Variants in NCALD observed in about 807,000 individuals in gnomAD.
NCALD encodes the protein neurocalcin-delta.
A neutral mutation model predicts 18.6 loss-of-function variants in NCALD; 10 were observed. That is an observed-to-expected ratio of 0.54 (90% CI 0.33 to 0.91). The LOEUF is 0.91. NCALD is among the 40% of genes least tolerant of loss of function. NCALD has a pLI of 0.03. For synonymous variants in NCALD, 88 were observed against 87.4 expected, an observed-to-expected ratio of 1.01 and a Z score of -0.04; for missense variants, 184 against 247.6, an observed-to-expected ratio of 0.74 and a Z score of 1.72.
intron 1 of NCALD, among the ~76,000 whole-genome samples, chr8:101,747,711 A>T (rs1810484369): frequency 6.6e-6 from 1 of 151,582 alleles, no homozygotes; most frequent in African/African-American, 2.4e-5. Flanking sequence ...GAGCTTGAGG[A>T]AAAGTGATTT....
At chr8:101,792,939 T>C (rs370481744), upstream of NCALD, among the ~76,000 whole-genome samples, 2 of 152,106 alleles carry the variant, frequency 1.3e-5, no homozygotes, top group African/African-American at 4.8e-5. Context: ...TTAAATGGAT[T>C]AATTTGAAAA....
chr8:101,756,448 C>A (rs1810884351), intron 1 of NCALD, among the ~76,000 whole-genome samples: 2 of 152,210 alleles, frequency 1.3e-5, no homozygotes, highest in Admixed American at 1.3e-4. Context: ...CAGACTGTAC[C>A]TGGCCCGTGT....
intron 1 of NCALD, among the ~76,000 whole-genome samples, chr8:101,781,542 T>C (rs1812012672): frequency 6.6e-6 from 1 of 152,186 alleles, no homozygotes. Context: ...AGTGATGTTT[T>C]GTAAGTGGAA....
intron 2 of NCALD, among the ~76,000 whole-genome samples, chr8:101,958,047 T>A (rs1269345892): frequency 1.3e-5 from 2 of 152,172 alleles, no homozygotes; most frequent in Non-Finnish European, 2.9e-5. Flanking sequence ...CAAACTCTGA[T>A]GGTATGATCC....
intron 2 of NCALD, among the ~76,000 whole-genome samples, chr8:102,003,326 C>T (rs1001809567): frequency 1.3e-5 from 2 of 152,150 alleles, no homozygotes; most frequent in African/African-American, 4.8e-5. Flanking sequence ...CAAGACTAAA[C>T]CAGGAAGAAG....
chr8:102,066,061 G>A (rs1045409422), intron 1 of NCALD, among the ~76,000 whole-genome samples: 41 of 152,132 alleles, frequency 2.7e-4, no homozygotes, highest in African/African-American at 7.5e-4. Flanking sequence ...AACTCACAGC[G>A]CTAACAAGTA....
intron 2 of NCALD, among the ~76,000 whole-genome samples, chr8:101,934,572 G>A (rs1387992797): frequency 1.3e-5 from 2 of 152,046 alleles, no homozygotes; most frequent in Non-Finnish European, 2.9e-5. Context: ...TCTAAGAGTC[G>A]GGAGCTTCAG....
chr8:102,116,145 T>C (rs964149315), intron 1 of NCALD, among the ~76,000 whole-genome samples: 1 of 152,076 alleles, frequency 6.6e-6, no homozygotes, highest in Non-Finnish European at 1.5e-5. Context: ...CATTAGGAGA[T>C]ATACCTAATG....
At chr8:101,992,799 C>T (rs1477169408) in intron 2 of NCALD, among the ~76,000 whole-genome samples, 2 of 152,038 alleles carry the variant, frequency 1.3e-5, no homozygotes, top group African/African-American at 4.8e-5. Context: ...TGGCACACAA[C>T]AGGTGCTCAC....
chr8:102,050,168 C>CAAAAAAAAAAGAAAAAAAAAA (rs1823391122), intron 1 of NCALD, among the ~76,000 whole-genome samples: 1 of 44,682 alleles, frequency 2.2e-5, no homozygotes, highest in African/African-American at 7.9e-5. Flanking sequence ...GACTCCGTCT[C>CAAAAAAAAAAGAAAAAAAAAA]AAAAAAAAAA....
chr8:102,021,152 C>A (rs767442401), intron 1 of NCALD, among the ~76,000 whole-genome samples: 21 of 152,198 alleles, frequency 1.4e-4, no homozygotes, highest in Non-Finnish European at 2.4e-4. Context: ...GTTCACAGAT[C>A]ATGTCTGTGT....
At chr8:102,035,225 G>A (rs1189862055) in intron 1 of NCALD, among the ~76,000 whole-genome samples, 11 of 147,728 alleles carry the variant, frequency 7.4e-5, no homozygotes, top group African/African-American at 2.2e-4. Context: ...CTCGGTGACT[G>A]CTTCAAAAAG....
chr8:101,841,933 G>C (rs1472225048), intron 4 of NCALD, among the ~76,000 whole-genome samples: 1 of 152,154 alleles, frequency 6.6e-6, no homozygotes, highest in Non-Finnish European at 1.5e-5. Flanking sequence ...ATGAAAGGCA[G>C]GAGAAAGAAG....
At chr8:102,123,460 GA>G (rs5893600) in intron 1 of NCALD, among the ~76,000 whole-genome samples, 108 of 140,162 alleles carry the variant, frequency 7.7e-4, no homozygotes, top group Middle Eastern at 3.6e-3. Flanking sequence ...TGCAGCATTA[GA>G]AAAAAAAAAA....
chr8:101,689,120 G>A lies in NCALD; in HGVS notation c.*189C>T, dbSNP rs1237674837. ...TCCATGCTCTCCACAAGCACACTGG[G>A]GCTCTGGGCATTCCCACGAAGCATC... On this transcript the variant is annotated 3_prime_UTR_variant, in exon 4 of 4. Coordinates refer to ENST00000220931, the MANE Select transcript of NCALD (RefSeq NM_032041.3). The surrounding 1 kb of genome is among the most constrained non-coding windows in gnomAD (Gnocchi z 4.4). 4.2e-6 allele frequency: 3 copies of A among 706,092 alleles called. No homozygotes were observed. Among genetic ancestry groups the A allele is most frequent in the Admixed American group, 2.0e-5 (1 of 49,994 alleles). 43.7% of individuals were successfully genotyped at this position (706,092 alleles called of 1,614,324 possible).
chr8:102,124,239 C>T (rs1397468757), exon 1 of NCALD: 3 of 152,184 alleles, frequency 2.0e-5, no homozygotes, highest in East Asian at 2.0e-4. Context: ...CGACTCACCG[C>T]CTCGGCCGCT....
At chr8:101,966,294 T>C (rs1586839214) in intron 2 of NCALD, among the ~76,000 whole-genome samples, 3 of 151,978 alleles carry the variant, frequency 2.0e-5, no homozygotes, top group Non-Finnish European at 4.4e-5. Context: ...TGGAATACTA[T>C]GCAGCCATAA....
At chr8:101,988,936 G>A (rs10282818) in intron 2 of NCALD, among the ~76,000 whole-genome samples, 34,454 of 147,710 alleles carry the variant, frequency 0.23, 5,011 homozygotes, top group Admixed American at 0.33. Flanking sequence ...AGAGAAGCCA[G>A]TGAGAGGTGA....
chr8:101,921,929 A>T (rs1818179194), intron 2 of NCALD, among the ~76,000 whole-genome samples: 1 of 151,654 alleles, frequency 6.6e-6, no homozygotes, highest in African/African-American at 2.4e-5. Context: ...ACACCCAAAC[A>T]TGATACAACT....
Sources: allele counts gnomAD v4.1 joint callset (sites outside exome capture counted in the v4.1 genomes callset), GRCh38; gene constraint gnomAD v4.1.1; non-coding constraint Gnocchi (gnomAD v3.1); transcripts MANE v1.5; gene names NCBI Gene and HGNC (gene_info 2026-07-23, HGNC 2026-07-21).